The following CRTC1 variants were observed in gnomAD, a reference collection of about 807,000 sequenced individuals.
The protein encoded by CRTC1 is CREB-regulated transcription coactivator 1.
Under a neutral mutation model 66.1 loss-of-function variants are expected in CRTC1, and 18 were observed. That is an observed-to-expected ratio of 0.27 (90% CI 0.19 to 0.40). CRTC1 has a LOEUF of 0.40. Among genes scored for constraint, CRTC1 ranks in the 10% least tolerant of loss-of-function variants. CRTC1 has a pLI of 1.00. For synonymous variants in CRTC1, 416 were observed against 398.8 expected, an observed-to-expected ratio of 1.04 and a Z score of -0.51; for missense variants, 669 against 887.9, an observed-to-expected ratio of 0.75 and a Z score of 3.13.
At position 18,780,704 on chromosome 19, in the gene CRTC1, AT is replaced by A. The variant is rs975618203; in HGVS notation, c.*3329del. On this transcript the variant is annotated 3_prime_UTR_variant, in exon 14 of 14. Transcript: ENST00000321949. ...GGCCAGGCCGGGTGGCTTCTATTTT[AT>A]TTTTTTAGAGATGGGGTCTTGCTGT... The A allele has an allele frequency of 2.6e-4, 56 of 217,582 alleles. No homozygotes were observed. Among genetic ancestry groups the A allele is most frequent in the African/African-American group, 1.3e-3 (56 of 44,386 alleles). The allele number at this position is 217,582 out of a possible 1,614,324, so 13.5% of individuals were successfully genotyped here.
chr19:18,723,164 C>T (rs2053665968), intron 1 of CRTC1, among the ~76,000 whole-genome samples: 1 of 152,208 alleles, frequency 6.6e-6, no homozygotes, highest in Non-Finnish European at 1.5e-5. Context: ...TGGTCTCAAA[C>T]TCCTGACCTC....
At chr19:18,751,480 A>G (rs1370070362) in intron 5 of CRTC1, among the ~76,000 whole-genome samples, 1 of 152,086 alleles carries the variant, frequency 6.6e-6, no homozygotes, top group South Asian at 2.1e-4. Flanking sequence ...GTGAGCCAAG[A>G]TCACGCCACT....
intron 1 of CRTC1, among the ~76,000 whole-genome samples, chr19:18,730,403 C>T (rs1333145457): frequency 1.3e-5 from 2 of 152,072 alleles, no homozygotes; most frequent in African/African-American, 4.8e-5. Context: ...GTCGGGGTCA[C>T]ATTCACAGGG....
intron 1 of CRTC1, among the ~76,000 whole-genome samples, chr19:18,687,841 A>G (rs1386962886): frequency 1.3e-5 from 2 of 150,702 alleles, no homozygotes; most frequent in Non-Finnish European, 3.0e-5. Context: ...AAGTCGGGAG[A>G]CTGTTTGCAG....
chr19:18,695,088 C>T (rs2052952465), intron 1 of CRTC1, among the ~76,000 whole-genome samples: 2 of 152,134 alleles, frequency 1.3e-5, no homozygotes, highest in South Asian at 4.1e-4. Flanking sequence ...CCAGGCTGCT[C>T]TCCAACTCCT....
intron 1 of CRTC1, among the ~76,000 whole-genome samples, chr19:18,742,103 G>C (rs567205118): frequency 7.1e-4 from 108 of 152,272 alleles, no homozygotes; most frequent in Middle Eastern, 3.4e-3. Context: ...ATCCCCAAGG[G>C]CCTCGGGTCG....
chr19:18,742,842 T>G, intron 1 of CRTC1, 68 bp from the exon 2 acceptor site: 15 of 1,193,420 alleles, frequency 1.3e-5, no homozygotes, highest in Non-Finnish European at 1.9e-5. Flanking sequence ...TTTGTGCCTT[T>G]GGGGCTGGCA....
At position 18,768,468 on chromosome 19, in the gene CRTC1, G is replaced by T. The variant is rs752455640; in HGVS notation, c.1012-17G>T. On this transcript the variant is annotated splice_polypyrimidine_tract_variant and intron_variant, in intron 9 of 13. Coordinates refer to ENST00000321949, the MANE Select transcript of CRTC1 (RefSeq NM_015321.3). This position sits in a 1 kb window ranked among gnomAD's most constrained non-coding sequence, Gnocchi z 5.6. ...ACAACCAGGGCCCGCCCTGCCTGAC[G>T]CTCTCCTCTCCTGCAGGCTGTAGCC... is the stretch of plus-strand genomic sequence containing the variant. The T allele has an allele frequency of 4.4e-6, 7 of 1,605,058 alleles. No homozygotes were observed. Among genetic ancestry groups the T allele is most frequent in the Non-Finnish European group, 5.1e-6 (6 of 1,177,806 alleles).
chr19:18,730,125 T>C (rs932215577), intron 1 of CRTC1, among the ~76,000 whole-genome samples: 3 of 152,220 alleles, frequency 2.0e-5, no homozygotes, highest in East Asian at 3.9e-4. Context: ...TCTGATGGCT[T>C]ACCCTGGGAA....
chr19:18,757,055 C>T (rs1347107914), intron 6 of CRTC1, among the ~76,000 whole-genome samples: 2 of 152,258 alleles, frequency 1.3e-5, no homozygotes, highest in African/African-American at 4.8e-5. Flanking sequence ...GCATTGCCCC[C>T]TCACGGTGTG....
At chr19:18,764,772 G>T (rs1396388098) in intron 8 of CRTC1, among the ~76,000 whole-genome samples, 1 of 152,180 alleles carries the variant, frequency 6.6e-6, no homozygotes, top group Non-Finnish European at 1.5e-5. Flanking sequence ...GGGACATAGG[G>T]GATAGCAGGT....
At chr19:18,750,010 G>A in intron 5 of CRTC1, 135 bp downstream of exon 5, 1 of 708,338 alleles carries the variant, frequency 1.4e-6, no homozygotes, top group Non-Finnish European at 2.5e-6. Flanking sequence ...AGGGATCGGG[G>A]GAGGGGATCG....
At chr19:18,706,387 G>A (rs1405400435) in intron 1 of CRTC1, among the ~76,000 whole-genome samples, 1 of 150,042 alleles carries the variant, frequency 6.7e-6, no homozygotes, top group African/African-American at 2.5e-5. Context: ...TGTATTTTTA[G>A]TAGAGATGGG....
intron 10 of CRTC1, among the ~76,000 whole-genome samples, chr19:18,769,818 C>T (rs1332577102): frequency 1.3e-5 from 2 of 152,130 alleles, no homozygotes; most frequent in Non-Finnish European, 2.9e-5. Flanking sequence ...CGGCTTCCTG[C>T]CCCCACTTCA....
At chr19:18,722,328 T>G (rs2053648368) in intron 1 of CRTC1, among the ~76,000 whole-genome samples, 1 of 152,106 alleles carries the variant, frequency 6.6e-6, no homozygotes, top group Non-Finnish European at 1.5e-5. Context: ...GGGGAGTGGA[T>G]TGGAGAGTAT....
chr19:18,695,582 A>G (rs775623882), intron 1 of CRTC1, among the ~76,000 whole-genome samples: 1 of 151,802 alleles, frequency 6.6e-6, no homozygotes, highest in African/African-American at 2.4e-5. Context: ...TACAGTACAC[A>G]CGGCCGGGTG....
chr19:18,717,751 A>AG (rs2053540168), intron 1 of CRTC1, among the ~76,000 whole-genome samples: 1 of 152,082 alleles, frequency 6.6e-6, no homozygotes, highest in Non-Finnish European at 1.5e-5. Context: ...GCAGGGCCGC[A>AG]GGGACATGGG....
At chr19:18,759,157 C>T (rs1165545233) in intron 6 of CRTC1, among the ~76,000 whole-genome samples, 1 of 152,192 alleles carries the variant, frequency 6.6e-6, no homozygotes, top group East Asian at 1.9e-4. Flanking sequence ...GAGCTGTGAT[C>T]ACACCACTGC....
intron 1 of CRTC1, among the ~76,000 whole-genome samples, chr19:18,690,643 G>A (rs895730752): frequency 5.3e-5 from 8 of 152,134 alleles, no homozygotes; most frequent in Non-Finnish European, 1.0e-4. Flanking sequence ...TTGGAAAAAA[G>A]GTTTCTGTAG....
Sources: gnomAD v4.1 joint callset for allele counts (sites outside exome capture counted in the v4.1 genomes callset) on GRCh38, gnomAD v4.1.1 for gene constraint, Gnocchi (gnomAD v3.1) non-coding constraint, MANE v1.5 for transcripts, NCBI Gene and HGNC (gene_info 2026-07-23, HGNC 2026-07-21) for gene names.